Variants in CALN1 observed in about 807,000 individuals in gnomAD.
CALN1 encodes calcium-binding protein 8.
In CALN1, 17 loss-of-function variants were observed where a neutral mutation model predicts 30.6. That is an observed-to-expected ratio of 0.56 (90% CI 0.38 to 0.83). The LOEUF (loss-of-function observed/expected upper bound fraction) is 0.83. Ranked by LOEUF, CALN1 falls within the 40% of genes least tolerant of loss-of-function variation. CALN1 has a pLI of 0.00. For synonymous variants in CALN1, 156 were observed against 131.4 expected (o/e 1.19, Z -1.28); for missense variants, 291 against 354.9 (o/e 0.82, Z 1.45).
intron 6 of CALN1, among the ~76,000 whole-genome samples, chr7:71,804,459 G>A (rs1787487353): frequency 6.6e-6 from 1 of 152,030 alleles, no homozygotes; most frequent in Non-Finnish European, 1.5e-5. Flanking sequence ...AGTGAGCTGT[G>A]GTTGTGCCAC....
intron 4 of CALN1, among the ~76,000 whole-genome samples, chr7:72,105,847 GGGAGGGGGA>G (rs1807067117): frequency 9.1e-6 from 1 of 110,154 alleles, no homozygotes; most frequent in African/African-American, 3.5e-5. Flanking sequence ...ATGGGGATGA[GGGAGGGGGA>G]AGAGGGGGAT....
Position 72,299,536 on chromosome 7 carries a change from T to C in CALN1, c.120-20726A>G, listed in dbSNP as rs1799105535. Among the ~76,000 whole-genome samples, 4 of 151,770 alleles carry C rather than the reference T, an allele frequency of 2.6e-5. No homozygotes were observed. The South Asian group carries it at 8.3e-4, about 31-fold the overall frequency. ...AAACTTCTAAACATTATAAACGATATAAATAAAGGTAATAGGCAAACAGGG... is the reference window on the plus strand; with the variant it reads ...AAACTTCTAAACATTATAAACGATACAAATAAAGGTAATAGGCAAACAGGG... On this transcript the variant is annotated intron_variant, in intron 2 of 6. Transcript: ENST00000395275.
At chr7:71,797,187 A>G (rs1786978515) in intron 6 of CALN1, among the ~76,000 whole-genome samples, 1 of 152,166 alleles carries the variant, frequency 6.6e-6, no homozygotes, top group Non-Finnish European at 1.5e-5. Flanking sequence ...GGCAAATCAG[A>G]GCCACGAAAA....
At position 71,783,764 on chromosome 7, in the gene CALN1, T is replaced by C. The variant is rs1792842578; in HGVS notation, c.*4011A>G. 6.6e-6 allele frequency: 1 copy of C among 152,666 alleles called. No individual in the cohort carries two copies. The highest frequency in any genetic ancestry group is 2.4e-5 in the African/African-American group (1 of 41,478). 9.5% of individuals were successfully genotyped at this position (152,666 alleles called of 1,614,324 possible). On this transcript the variant is annotated 3_prime_UTR_variant, in exon 7 of 7. Coordinates refer to ENST00000395275, the MANE Select transcript of CALN1 (RefSeq NM_031468.4). ...ACTTTTCTCTCTCAGTTCTGAAACA[T>C]ATCGCTTTATGATTCTATGAATGGG... is the stretch of plus-strand genomic sequence containing the variant.
intron 3 of CALN1, among the ~76,000 whole-genome samples, chr7:72,188,319 G>A (rs7791307): frequency 0.26 from 38,885 of 151,854 alleles, 5,949 homozygotes; most frequent in Non-Finnish European, 0.35. Context: ...CTCAGTTTAC[G>A]TATACATATT....
At chr7:72,260,912 C>G (rs1195470645) in intron 3 of CALN1, among the ~76,000 whole-genome samples, 1 of 152,118 alleles carries the variant, frequency 6.6e-6, no homozygotes, top group Non-Finnish European at 1.5e-5. Flanking sequence ...ATGTTAAATT[C>G]CCACCCAGAT....
intron 5 of CALN1, among the ~76,000 whole-genome samples, chr7:71,921,274 G>C (rs888361062): frequency 6.6e-6 from 1 of 152,134 alleles, no homozygotes; most frequent in Non-Finnish European, 1.5e-5. Flanking sequence ...ACAGGTTGAT[G>C]GGTGCAGCAA....
intron 5 of CALN1, among the ~76,000 whole-genome samples, chr7:71,823,666 C>T (rs1014029562): frequency 6.6e-6 from 1 of 151,222 alleles, no homozygotes; most frequent in African/African-American, 2.4e-5. Flanking sequence ...TGCAGTGAGC[C>T]GAGATTGCAC....
At chr7:72,316,398 A>G (rs75264243) in intron 2 of CALN1, among the ~76,000 whole-genome samples, 2,048 of 151,884 alleles carry the variant, frequency 0.013, 41 homozygotes, top group African/African-American at 0.047. Context: ...AGAAACATTC[A>G]CAGGATATTA....
chr7:71,999,010 A>T (rs762488772), intron 5 of CALN1, among the ~76,000 whole-genome samples: 13 of 152,208 alleles, frequency 8.5e-5, no homozygotes, highest in Non-Finnish European at 1.8e-4. Context: ...ATTAACTTAA[A>T]TGTAAATGGT....
At chr7:72,335,688 G>C (rs914290925) in intron 2 of CALN1, among the ~76,000 whole-genome samples, 6 of 152,198 alleles carry the variant, frequency 3.9e-5, no homozygotes, top group African/African-American at 9.7e-5. Context: ...TACGGGCTTC[G>C]ACCCAAATGG....
intron 2 of CALN1, among the ~76,000 whole-genome samples, chr7:72,388,299 C>G (rs746511262): frequency 2.0e-5 from 3 of 151,954 alleles, no homozygotes; most frequent in Non-Finnish European, 4.4e-5. Flanking sequence ...TTCATCTTCC[C>G]AAGAGGTACT....
intron 5 of CALN1, among the ~76,000 whole-genome samples, chr7:71,992,339 C>A (rs1212430556): frequency 6.6e-6 from 1 of 152,042 alleles, no homozygotes; most frequent in Non-Finnish European, 1.5e-5. Context: ...CCTATATAAG[C>A]AAGACTTTCA....
At chr7:72,337,426 AC>A (rs1802142072) in intron 2 of CALN1, among the ~76,000 whole-genome samples, 2 of 148,834 alleles carry the variant, frequency 1.3e-5, no homozygotes, top group Non-Finnish European at 3.0e-5. Flanking sequence ...TCGCGCGCAC[AC>A]ACACACACAC....
At chr7:72,059,790 C>G (rs1803521751) in intron 4 of CALN1, among the ~76,000 whole-genome samples, 1 of 151,906 alleles carries the variant, frequency 6.6e-6, no homozygotes. Flanking sequence ...CAATTAACCA[C>G]TTAGGTTGAA....
chr7:72,495,735 C>T, the CALN1 span, among the ~76,000 whole-genome samples: 1 of 152,302 alleles, frequency 6.6e-6, no homozygotes, highest in Non-Finnish European at 1.5e-5. Flanking sequence ...ATCGTTATTG[C>T]TTCCGAAATA....
chr7:72,080,216 C>T (rs574232915), intron 4 of CALN1, among the ~76,000 whole-genome samples: 29 of 152,276 alleles, frequency 1.9e-4, no homozygotes, highest in Non-Finnish European at 3.5e-4. Flanking sequence ...TTTTTTTCCC[C>T]ACCACTAATC....
chr7:72,032,040 C>T (rs757761462), intron 4 of CALN1, among the ~76,000 whole-genome samples: 40 of 146,336 alleles, frequency 2.7e-4, no homozygotes, highest in African/African-American at 9.8e-4. Context: ...AGCCACCACA[C>T]CTGGCTCCTG....
At chr7:72,028,198 A>G (rs1801213773) in intron 4 of CALN1, among the ~76,000 whole-genome samples, 1 of 151,916 alleles carries the variant, frequency 6.6e-6, no homozygotes, top group South Asian at 2.1e-4. Context: ...GGCAAAACCC[A>G]TGCTTGCCAG....
Sources: gnomAD v4.1 joint callset for allele counts (sites outside exome capture counted in the v4.1 genomes callset) on GRCh38, gnomAD v4.1.1 for gene constraint, MANE v1.5 for transcripts, NCBI Gene and HGNC (gene_info 2026-07-23, HGNC 2026-07-21) for gene names.